The following LAMB1 variants were observed in gnomAD, a reference collection of about 807,000 sequenced individuals.
The protein encoded by LAMB1 is laminin subunit beta-1.
LAMB1 carries 121 observed loss-of-function variants against 222.3 expected under a neutral mutation model. That is an observed-to-expected ratio of 0.54 (90% CI 0.47 to 0.63). The LOEUF (loss-of-function observed/expected upper bound fraction) is 0.63, where lower values mean the gene tolerates loss of function less well. Ranked by LOEUF, LAMB1 falls within the 30% of genes least tolerant of loss-of-function variation. LAMB1 has a pLI of 0.00. For synonymous variants in LAMB1, 794 were observed against 807.2 expected (o/e 0.98, Z 0.28); for missense variants, 2,172 against 2,240.8 (o/e 0.97, Z 0.62).
Position 108,002,911 on chromosome 7 carries a change from G to A in LAMB1, c.-26C>T, listed in dbSNP as rs1170926088. 1.2e-6 allele frequency: 2 copies of A among 1,613,384 alleles called. No individual in the cohort carries two copies. Among genetic ancestry groups the A allele is most frequent in the Non-Finnish European group, 1.7e-6 (2 of 1,179,858 alleles). ...GCCGGCTCCCTGCAGCCACGGGGAC[G>A]CGGCAGAGGAGTGGAGAAGACGCCC... On this transcript the variant is annotated 5_prime_UTR_variant, in exon 2 of 34. Coordinates refer to ENST00000222399, the MANE Select transcript of LAMB1 (RefSeq NM_002291.3).
chr7:107,949,664 T>C (rs375874943), intron 24 of LAMB1, among the ~76,000 whole-genome samples: 3 of 152,228 alleles, frequency 2.0e-5, no homozygotes, highest in East Asian at 3.8e-4. Flanking sequence ...TAGCAAACAT[T>C]ATCCCCACTG....
chr7:107,963,018 A>T lies in LAMB1; in HGVS notation c.1744T>A (p.Ser582Thr). Reference protein sequence around the residue: ...ERQYIQDRIPSWTGAGFVRVP... With the variant: ...ERQYIQDRIPTWTGAGFVRVP... ...CGGACGAAGCCGGCTCCAGTCCAGG[A>T]GGGAATCCGGTCCTGGATATATTGC... The change falls in exon 15 of 34, where the codon TCC becomes ACC. Residue 582 changes from serine (S) to threonine (T), a missense_variant. By Grantham distance (58) the Ser-to-Thr change is moderately conservative (BLOSUM62 1). Transcript: ENST00000222399. The T allele has an allele frequency of 6.2e-7, 1 of 1,614,056 alleles. No individual in the cohort carries two copies. Among genetic ancestry groups the T allele is most frequent in the Non-Finnish European group, 8.5e-7 (1 of 1,179,930 alleles).
intron 24 of LAMB1, among the ~76,000 whole-genome samples, chr7:107,945,554 T>A (rs946347549): frequency 5.9e-5 from 9 of 152,198 alleles, no homozygotes; most frequent in Admixed American, 2.6e-4. Flanking sequence ...TTAGCTTGGA[T>A]GATAATTTCC....
In LAMB1 at chr7:107,986,282, C is replaced by A; in HGVS notation, c.505G>T (p.Asp169Tyr). 6.2e-7 allele frequency: 1 copy of A among 1,614,146 alleles called. No homozygotes were observed. The highest frequency in any genetic ancestry group is 8.5e-7 in the Non-Finnish European group (1 of 1,179,988). The change falls in exon 6 of 34, where the codon GAC (aspartate) becomes TAC (tyrosine). Residue 169 changes from aspartate (D) to tyrosine (Y), a missense_variant. Coordinates refer to ENST00000222399, the MANE Select transcript of LAMB1 (RefSeq NM_002291.3). The part of the protein sequence containing the change: ...TWGVYRYFAY[D>Y]CEASFPGIST... ...ATGCCTGGAAACGAGGCCTCACAGT[C>A]ATAGGCGAAGTATCTATACACACCC...
intron 27 of LAMB1, chr7:107,932,747 T>C (rs2032744842): frequency 3.8e-6 from 1 of 264,834 alleles, no homozygotes; most frequent in African/African-American, 2.2e-5. Context: ...AAAAACCTAT[T>C]GTGAACCATC....
chr7:107,981,187 C>G (rs904808072), intron 7 of LAMB1, among the ~76,000 whole-genome samples: 2 of 152,164 alleles, frequency 1.3e-5, no homozygotes, highest in African/African-American at 4.8e-5. Flanking sequence ...TGGCTCACAC[C>G]TGTATTCCCA....
At chr7:107,938,711 G>A (rs1445897043) in intron 25 of LAMB1, among the ~76,000 whole-genome samples, 1 of 152,048 alleles carries the variant, frequency 6.6e-6, no homozygotes, top group African/African-American at 2.4e-5. Flanking sequence ...TTCGGACCAC[G>A]GCCTGCCAAA....
intron 24 of LAMB1, among the ~76,000 whole-genome samples, chr7:107,950,941 T>TG (rs2033231233): frequency 1.3e-5 from 2 of 151,766 alleles, no homozygotes; most frequent in Non-Finnish European, 2.9e-5. Flanking sequence ...TGTGTGTGTG[T>TG]GTGTGTGTGT....
intron 5 of LAMB1, among the ~76,000 whole-genome samples, chr7:107,993,853 C>T (rs943036324): frequency 6.6e-6 from 1 of 152,188 alleles, no homozygotes; most frequent in Non-Finnish European, 1.5e-5. Flanking sequence ...ACAGTGCCCA[C>T]CTTCCTGCTC....
In LAMB1 at chr7:107,935,343, C is replaced by CTTTTTTTTTTTT. The variant is rs2032816386; in HGVS notation, c.4188+71_4188+72insAAAAAAAAAAAA. The CTTTTTTTTTTTT allele has an allele frequency of 5.1e-6, 7 of 1,371,970 alleles. No individual in the cohort carries two copies. The African/African-American group carries it at 1.2e-4, about 23-fold the overall frequency. 85.0% of individuals were successfully genotyped at this position (1,371,970 alleles called of 1,614,324 possible). A position where few individuals can be genotyped will look rare whatever the true frequency, so the allele number is the denominator to read the frequency against. On this transcript the variant is annotated intron_variant, in intron 27 of 33. Coordinates refer to ENST00000222399, the MANE Select transcript of LAMB1 (RefSeq NM_002291.3). ...TAATGACAAAAGATGGTTTGTTTTT[C>CTTTTTTTTTTTT]TTTGTTTTTTTTTTTTTTTTTTTTT...
chr7:107,953,903 A>T (rs1329977707), intron 21 of LAMB1, 149 bp from the exon 22 acceptor site: 2 of 661,618 alleles, frequency 3.0e-6, no homozygotes, highest in East Asian at 5.4e-5. Context: ...TCACATCTGA[A>T]GGGGAAAGAA....
chr7:107,942,830 C>T (rs1055856948), intron 24 of LAMB1: 3 of 152,064 alleles, frequency 2.0e-5, no homozygotes, highest in Non-Finnish European at 4.4e-5. Flanking sequence ...AAACGTGTTC[C>T]GGTTATATGT....
intron 2 of LAMB1, chr7:108,002,030 G>C (rs2034397981): frequency 1.4e-6 from 2 of 1,444,864 alleles, no homozygotes; most frequent in Middle Eastern, 2.5e-4. Context: ...TCAGCCCCGG[G>C]GAGCAGCTCC....
rs757631649 is a variant in LAMB1 at position 107,947,972 on chromosome 7, ATCT to A, written c.3391+3251_3391+3253del. ...AAATAAAGATGCCCCAACATTTTAT[ATCT>A]TCTTCTTCTTTTTTTTTTTTTTTTT... On this transcript the variant is annotated intron_variant, in intron 24 of 33. Coordinates refer to ENST00000222399, the MANE Select transcript of LAMB1 (RefSeq NM_002291.3). 7.1e-3 allele frequency among the ~76,000 whole-genome samples: 963 copies of A among 135,042 alleles called. 5 individuals are homozygous for A. The highest frequency in any genetic ancestry group is 9.9e-3 in the Non-Finnish European group (642 of 64,760). 88.6% of individuals were successfully genotyped at this position (135,042 alleles called of 152,430 possible).
At chr7:107,970,380 C>T (rs985085878) in intron 13 of LAMB1, among the ~76,000 whole-genome samples, 2 of 148,746 alleles carry the variant, frequency 1.3e-5, no homozygotes, top group African/African-American at 2.5e-5. Flanking sequence ...CCCAACTACT[C>T]GGGAGGCTGA....
At chr7:107,925,523 G>A (rs1468531357) in intron 32 of LAMB1, among the ~76,000 whole-genome samples, 2 of 152,058 alleles carry the variant, frequency 1.3e-5, no homozygotes, top group African/African-American at 2.4e-5. Flanking sequence ...TGCCAAAAAA[G>A]TTGGGGACCA....
intron 2 of LAMB1, chr7:108,002,065 C>T: frequency 6.9e-7 from 1 of 1,459,004 alleles, no homozygotes; most frequent in Non-Finnish European, 9.0e-7. Context: ...GATGTGTAGA[C>T]CCTCCACTTC....
chr7:107,955,540 G>C lies in LAMB1; in HGVS notation c.2781C>G (p.Arg927=), dbSNP rs779206814. ...CPCPDGPDSG[R]QFARSCYQDP... is the part of the protein sequence containing the mutation. ...CTTGGTAGCAGCTCCTGGCAAACTGGCGTCCACTGTCGGGACCATCTGGGC... is the reference window on the plus strand; with the variant it reads ...CTTGGTAGCAGCTCCTGGCAAACTGCCGTCCACTGTCGGGACCATCTGGGC... Residue 927 remains arginine, a synonymous_variant, in exon 21 of 34, where the codon CGC becomes CGG. Coordinates refer to ENST00000222399, the MANE Select transcript of LAMB1 (RefSeq NM_002291.3). The C allele has an allele frequency of 4.3e-6, 7 of 1,614,040 alleles. No individual in the cohort carries two copies. In the South Asian group the frequency reaches 7.7e-5, roughly 18 times the overall value.
At chr7:107,996,378 G>A (rs1044041107) in intron 4 of LAMB1, among the ~76,000 whole-genome samples, 3 of 152,092 alleles carry the variant, frequency 2.0e-5, no homozygotes, top group Non-Finnish European at 4.4e-5. Context: ...GTCAGACCTA[G>A]GAAGAGATCA....
Sources: gnomAD v4.1 joint callset for allele counts (sites outside exome capture counted in the v4.1 genomes callset) on GRCh38, gnomAD v4.1.1 for gene constraint, MANE v1.5 for transcripts, NCBI Gene and HGNC (gene_info 2026-07-23, HGNC 2026-07-21) for gene names.